Variants in CNTN5 observed in about 807,000 individuals in gnomAD.
The protein encoded by CNTN5 is contactin-5.
CNTN5 carries 77 observed loss-of-function variants against 129.1 expected under a neutral mutation model. The ratio of observed to expected loss-of-function variants is 0.60; its 90% CI spans 0.50 to 0.72. The LOEUF (loss-of-function observed/expected upper bound fraction) is 0.72, where lower values mean the gene tolerates loss of function less well. Ranked by LOEUF, CNTN5 falls within the 30% of genes least tolerant of loss-of-function variation. CNTN5 has a pLI of 0.00. For missense variants in CNTN5, 1,478 were observed against 1,328.8 expected, an observed-to-expected ratio of 1.11 and a Z score of -1.75; for synonymous variants, 509 against 465.6, an observed-to-expected ratio of 1.09 and a Z score of -1.20.
chr11:100,200,651 T>C (rs771303818), intron 15 of CNTN5, among the ~76,000 whole-genome samples: 3 of 151,778 alleles, frequency 2.0e-5, no homozygotes, highest in African/African-American at 7.3e-5. Context: ...CTTGGAAATA[T>C]TAGATCAATA....
intron 1 of CNTN5, among the ~76,000 whole-genome samples, chr11:99,103,770 A>G (rs1866858217): frequency 6.6e-6 from 1 of 152,048 alleles, no homozygotes; most frequent in South Asian, 2.1e-4. Context: ...CCTTCAAAAA[A>G]AAAAAAAAGA....
At chr11:99,854,580 G>A (rs983162536) in intron 6 of CNTN5, among the ~76,000 whole-genome samples, 3 of 152,158 alleles carry the variant, frequency 2.0e-5, no homozygotes, top group African/African-American at 7.2e-5. Flanking sequence ...AAGATTCTGA[G>A]CTTGATCAAT....
At chr11:100,194,288 C>A (rs921143121) in intron 15 of CNTN5, among the ~76,000 whole-genome samples, 1 of 151,782 alleles carries the variant, frequency 6.6e-6, no homozygotes. Context: ...TGAAAAGAGG[C>A]CCCTTCCCCA....
intron 13 of CNTN5, among the ~76,000 whole-genome samples, chr11:100,140,065 G>A (rs952413924): frequency 1.3e-5 from 2 of 152,128 alleles, no homozygotes; most frequent in Non-Finnish European, 2.9e-5. Flanking sequence ...AGGAAGTAGA[G>A]TAGAAACAAG....
chr11:100,136,756 G>T (rs1164566424), intron 13 of CNTN5, among the ~76,000 whole-genome samples: 1 of 144,558 alleles, frequency 6.9e-6, no homozygotes, highest in Non-Finnish European at 1.5e-5. Flanking sequence ...TAAAGAGAAT[G>T]AAAATAAATA....
In CNTN5 at chr11:99,990,640, A is replaced by C. The variant is rs377250578; in HGVS notation, c.878-11394A>C. Among the ~76,000 whole-genome samples the C allele has an allele frequency of 1.8e-4, 27 of 152,216 alleles. No individual in the cohort carries two copies. The East Asian group carries it at 4.2e-3, about 24-fold the overall frequency. On this transcript the variant is annotated intron_variant, in intron 8 of 24. Coordinates refer to ENST00000524871, the MANE Select transcript of CNTN5 (RefSeq NM_014361.4). ...TTCTTCAGTCCTTTATTTACATAGC[A>C]ATCACTCACCTTAAGAAACTATGAT...
At chr11:99,647,960 T>C (rs1952026759) in intron 3 of CNTN5, among the ~76,000 whole-genome samples, 2 of 151,868 alleles carry the variant, frequency 1.3e-5, no homozygotes, top group Admixed American at 6.6e-5. Flanking sequence ...ATATATAAGA[T>C]CACATGGTCT....
At chr11:99,414,647 C>G (rs887769360) in intron 2 of CNTN5, among the ~76,000 whole-genome samples, 1 of 152,002 alleles carries the variant, frequency 6.6e-6, no homozygotes, top group Non-Finnish European at 1.5e-5. Flanking sequence ...GAGAAGTTCT[C>G]TCTGTTAAAA....
intron 21 of CNTN5, among the ~76,000 whole-genome samples, chr11:100,314,267 A>C (rs746432468): frequency 5.9e-5 from 9 of 152,220 alleles, no homozygotes; most frequent in Non-Finnish European, 2.9e-5. Context: ...TCAACATCTG[A>C]ATATATTTTT....
intron 18 of CNTN5, among the ~76,000 whole-genome samples, chr11:100,289,221 T>C (rs1950885781): frequency 6.6e-6 from 1 of 151,724 alleles, no homozygotes; most frequent in Non-Finnish European, 1.5e-5. Flanking sequence ...ACTATTCCAA[T>C]CAATAGAAAA....
At chr11:99,618,633 A>C (rs923859214) in intron 3 of CNTN5, among the ~76,000 whole-genome samples, 2 of 152,202 alleles carry the variant, frequency 1.3e-5, no homozygotes, top group African/African-American at 4.8e-5. Context: ...GAAAACTACA[A>C]TGATTAAGCC....
intron 15 of CNTN5, among the ~76,000 whole-genome samples, chr11:100,211,318 C>T (rs1949025255): frequency 6.6e-6 from 1 of 152,126 alleles, no homozygotes; most frequent in African/African-American, 2.4e-5. Flanking sequence ...AGCAGGACAA[C>T]ATCGTAGCAG....
chr11:99,961,162 G>A lies in CNTN5; in HGVS notation c.877+4153G>A, dbSNP rs956091079. Among the ~76,000 whole-genome samples, 10 of 130,480 alleles carry A rather than the reference G, an allele frequency of 7.7e-5. No individual in the cohort carries two copies. The South Asian group carries it at 1.0e-3, about 13-fold the overall frequency. 85.6% of individuals were successfully genotyped at this position (130,480 alleles called of 152,430 possible). On this transcript the variant is annotated intron_variant, in intron 8 of 24. Coordinates refer to ENST00000524871, the MANE Select transcript of CNTN5 (RefSeq NM_014361.4). ...GGATGCTGCAGTGAGCCAAGATCAC[G>A]CCACTGCACTCCAGCCTGGGCCATA...
intron 2 of CNTN5, among the ~76,000 whole-genome samples, chr11:99,401,787 G>GC: frequency 6.6e-6 from 1 of 151,824 alleles, no homozygotes; most frequent in African/African-American, 2.4e-5. Context: ...CATTATGGAG[G>GC]TTTTTTTCCT....
chr11:99,071,290 C>T (rs1298361785), intron 1 of CNTN5, among the ~76,000 whole-genome samples: 1 of 151,876 alleles, frequency 6.6e-6, no homozygotes, highest in African/African-American at 2.4e-5. Flanking sequence ...TGTTTTGTTT[C>T]CCTGTCATGT....
chr11:100,353,393 T>C (rs1458212278), intron 24 of CNTN5, among the ~76,000 whole-genome samples: 2 of 151,756 alleles, frequency 1.3e-5, no homozygotes, highest in African/African-American at 4.8e-5. Context: ...CTTAGTCTAA[T>C]GTTGCTCTTT....
At chr11:99,436,992 T>C (rs1205393670) in intron 2 of CNTN5, among the ~76,000 whole-genome samples, 1 of 152,194 alleles carries the variant, frequency 6.6e-6, no homozygotes, top group African/African-American at 2.4e-5. Context: ...TCTTTAGCAC[T>C]GGTCTTTTCA....
intron 1 of CNTN5, among the ~76,000 whole-genome samples, chr11:99,064,610 T>G (rs998239242): frequency 1.2e-4 from 18 of 152,116 alleles, no homozygotes; most frequent in African/African-American, 4.1e-4. Context: ...ATCTGAATCA[T>G]GAGTAAGGTT....
chr11:99,852,551 T>C (rs1947905491), intron 6 of CNTN5, among the ~76,000 whole-genome samples: 1 of 152,236 alleles, frequency 6.6e-6, no homozygotes, highest in African/African-American at 2.4e-5. Context: ...CCTCACACTC[T>C]TATTTCTTTT....
Sources: gnomAD v4.1 joint callset for allele counts (sites outside exome capture counted in the v4.1 genomes callset) on GRCh38, gnomAD v4.1.1 for gene constraint, MANE v1.5 for transcripts, NCBI Gene and HGNC (gene_info 2026-07-23, HGNC 2026-07-21) for gene names.